MYH6: variants seen among roughly 807,000 people sequenced by gnomAD.
MYH6 encodes the protein myosin-6.
A neutral mutation model predicts 223.2 loss-of-function variants in MYH6; 126 were observed. The ratio of observed to expected loss-of-function variants is 0.56; its 90% CI spans 0.49 to 0.65. MYH6 has a LOEUF of 0.65. Ranked by LOEUF, MYH6 falls within the 30% of genes least tolerant of loss-of-function variation. The probability of loss-of-function intolerance (pLI) is 0.00; values close to 1 mark genes in which losing one functional copy is unlikely to be tolerated. For synonymous variants in MYH6, 978 were observed against 1,010.2 expected, an observed-to-expected ratio of 0.97 and a Z score of 0.61; for missense variants, 2,040 against 2,536.4, an observed-to-expected ratio of 0.80 and a Z score of 4.20.
chr14:23,404,199 G>T, intron 8 of MYH6, 97 bp downstream of exon 8: 1 of 1,402,402 alleles, frequency 7.1e-7, no homozygotes, highest in Non-Finnish European at 1.0e-6. Flanking sequence ...ATATCCCAAA[G>T]CCAGATACAG....
chr14:23,382,158 G>T, intron 38 of MYH6, 95 bp from the exon 39 acceptor site: 1 of 1,283,088 alleles, frequency 7.8e-7, no homozygotes, highest in Non-Finnish European at 1.1e-6. Flanking sequence ...TAAGGGAGAT[G>T]CCCTTGGAGG....
At chr14:23,404,488 G>A (rs1459415707) in intron 7 of MYH6, 100 bp from the exon 8 acceptor site, 7 of 1,412,806 alleles carry the variant, frequency 5.0e-6, no homozygotes, top group Non-Finnish European at 7.0e-6. Flanking sequence ...ATGGGGGTGC[G>A]GGGCTGGGTG....
intron 11 of MYH6, 44 bp downstream of exon 11, chr14:23,402,653 G>A (rs1372763782): frequency 4.3e-6 from 7 of 1,613,660 alleles, no homozygotes; most frequent in Non-Finnish European, 5.9e-6. Context: ...GGCCCCAGGA[G>A]CTCCTGGGGT....
In MYH6 at chr14:23,393,727, A is replaced by C; in HGVS notation, c.2867T>G (p.Ile956Ser). The C allele has an allele frequency of 1.2e-6, 2 of 1,614,044 alleles. No homozygotes were observed. The highest frequency in any genetic ancestry group is 1.7e-6 in the Non-Finnish European group (2 of 1,179,992). Residue 956 changes from isoleucine to serine, a missense_variant, in exon 22 of 39, where the codon ATT (isoleucine) becomes AGT (serine). Transcript: ENST00000405093. Reference sequence around the variant, plus strand: ...GGCCAGTGTCAGCTCCAGGTCATCAATGTCCTTCTTGAGCTCTGAGCACTC... The same window carrying C: ...GGCCAGTGTCAGCTCCAGGTCATCACTGTCCTTCTTGAGCTCTGAGCACTC... ...EDECSELKKD[I>S]DDLELTLAKV...
chr14:23,383,438 C>T, intron 36 of MYH6, 118 bp from the exon 37 acceptor site: 1 of 808,660 alleles, frequency 1.2e-6, no homozygotes. Context: ...TGCAATGATC[C>T]AGGTCAAAGA....
At position 23,404,323 on chromosome 14, in the gene MYH6, A is replaced by G; in HGVS notation, c.708T>C (p.Thr236=). Residue 236 remains threonine, a synonymous_variant, in exon 8 of 39, where the codon ACT becomes ACC. Coordinates refer to ENST00000405093, the MANE Select transcript of MYH6 (RefSeq NM_002471.4). ...AGCGGGAGGAGTTGTCGTTCCGGACAGTCTTGGCATTGCCGAAGGCCTCCA... is the reference window on the plus strand; with the variant it reads ...AGCGGGAGGAGTTGTCGTTCCGGACGGTCTTGGCATTGCCGAAGGCCTCCA... ...PALEAFGNAK[T]VRNDNSSRFG... 4 of 1,614,246 alleles carry G rather than the reference A, an allele frequency of 2.5e-6. No individual in the cohort carries two copies. The highest frequency in any genetic ancestry group is 3.4e-6 in the Non-Finnish European group (4 of 1,180,028).
In MYH6 at chr14:23,405,305, G is replaced by A. The variant is rs145023897; in HGVS notation, c.420C>T (p.Ala140=). Residue 140 remains alanine (A), a synonymous_variant, in exon 5 of 39, where the codon GCC becomes GCT. Transcript: ENST00000405093. The surrounding 1 kb of genome is among the most constrained non-coding windows in gnomAD (Gnocchi z 4.7). ...CACTCCTCTTCTTGCCCCGGTAGGC[G>A]GCCACCACCTCGGCATTGTACACCG... is the stretch of plus-strand genomic sequence containing the variant. ...WLPVYNAEVV[A]AYRGKKRSEA... 51 of 1,614,032 alleles carry A rather than the reference G, an allele frequency of 3.2e-5. No individual in the cohort carries two copies. The highest frequency in any genetic ancestry group is 2.8e-4 in the African/African-American group (21 of 74,924).
chr14:23,387,487 C>T (rs199869124), intron 32 of MYH6, 42 bp downstream of exon 32: 201 of 1,609,186 alleles, frequency 1.2e-4, no homozygotes, highest in Non-Finnish European at 1.5e-4. Context: ...TGGGAGACAG[C>T]GGCAGAACAG....
At chr14:23,389,095 C>T in intron 28 of MYH6, 40 bp from the exon 29 acceptor site, 1 of 1,562,900 alleles carries the variant, frequency 6.4e-7, no homozygotes, top group Non-Finnish European at 8.6e-7. Context: ...GGAGGGACTC[C>T]CTGTGCCCCA....
chr14:23,404,676 C>T (rs932022550), intron 7 of MYH6, 35 bp downstream of exon 7: 4 of 1,596,096 alleles, frequency 2.5e-6, no homozygotes, highest in African/African-American at 2.7e-5. Context: ...TGCCCCCCAA[C>T]CCCTGTTCTG....
intron 18 of MYH6, 62 bp from the exon 19 acceptor site, chr14:23,396,879 T>C (rs574126716): frequency 1.2e-6 from 2 of 1,612,850 alleles, no homozygotes; most frequent in African/African-American, 1.3e-5. Context: ...CCCACAGAAT[T>C]CCAGGGTCAC....
intron 28 of MYH6, 81 bp downstream of exon 28, chr14:23,389,312 C>T: frequency 6.7e-7 from 1 of 1,497,168 alleles, no homozygotes; most frequent in Non-Finnish European, 9.3e-7. Flanking sequence ...CTCTTTCCAG[C>T]TCCAGGCTCC....
chr14:23,382,928 T>C (rs1595046280), intron 37 of MYH6, among the ~76,000 whole-genome samples: 1 of 152,348 alleles, frequency 6.6e-6, no homozygotes, highest in Admixed American at 6.5e-5. Context: ...GGTCCCCTTC[T>C]AGGCCCAATT....
rs148697308 is a variant in MYH6 at position 23,403,295 on chromosome 14, G to A, written c.898+53C>T. ...GGGCCCTGCCCTGCATGCAGGAGTC[G>A]TTGGGGTGTGCAGCAGGGACAGCAG... On this transcript the variant is annotated intron_variant, in intron 10 of 38. Coordinates refer to ENST00000405093, the MANE Select transcript of MYH6 (RefSeq NM_002471.4). The A allele has an allele frequency of 4.2e-4, 616 of 1,460,706 alleles. 1 individual carries two copies. The African/African-American group carries it at 5.7e-3, about 14-fold the overall frequency. 90.5% of individuals were successfully genotyped at this position (1,460,706 alleles called of 1,614,324 possible).
intron 36 of MYH6, 32 bp from the exon 37 acceptor site, chr14:23,383,352 G>T (rs765626833): frequency 2.8e-5 from 41 of 1,475,242 alleles, no homozygotes; most frequent in Non-Finnish European, 3.6e-5. Flanking sequence ...AAGCTGGTTT[G>T]GAGGGGGAGC....
intron 37 of MYH6, 108 bp from the exon 38 acceptor site, chr14:23,382,670 A>G: frequency 6.6e-7 from 1 of 1,517,904 alleles, no homozygotes; most frequent in Non-Finnish European, 9.1e-7. Context: ...CCCATACCTC[A>G]TGCATATTCC....
intron 7 of MYH6, 140 bp from the exon 8 acceptor site, chr14:23,404,528 A>C: frequency 1.7e-6 from 2 of 1,160,672 alleles, no homozygotes; most frequent in South Asian, 2.5e-5. Flanking sequence ...ACTCCACAGG[A>C]TCCTACCCAG....
intron 37 of MYH6, 137 bp from the exon 38 acceptor site, chr14:23,382,699 G>C: frequency 7.7e-7 from 1 of 1,303,258 alleles, no homozygotes; most frequent in Non-Finnish European, 1.1e-6. Flanking sequence ...CCTTCCCAAG[G>C]GTATCCTGCA....
At chr14:23,400,603 C>T in intron 13 of MYH6, 106 bp downstream of exon 13, 2 of 1,595,496 alleles carry the variant, frequency 1.3e-6, no homozygotes, top group South Asian at 2.2e-5. Flanking sequence ...CCACACAGTC[C>T]CCACTGCCTT....
Sources: gnomAD v4.1 joint callset for allele counts (sites outside exome capture counted in the v4.1 genomes callset) on GRCh38, gnomAD v4.1.1 for gene constraint, Gnocchi (gnomAD v3.1) non-coding constraint, MANE v1.5 for transcripts, NCBI Gene and HGNC (gene_info 2026-07-23, HGNC 2026-07-21) for gene names.